Variants in LIN28B observed in about 807,000 individuals in gnomAD.
LIN28B encodes the protein protein lin-28 homolog B.
A neutral mutation model predicts 21.9 loss-of-function variants in LIN28B; 5 were observed. The observed-to-expected ratio is 0.23, with a 90% CI of 0.12 to 0.48. The LOEUF is 0.48. Among genes scored for constraint, LIN28B ranks in the 20% least tolerant of loss-of-function variants. LIN28B has a pLI of 0.98. For missense variants in LIN28B, 245 were observed against 310.5 expected (o/e 0.79, Z 1.58); for synonymous variants, 109 against 111.3 (o/e 0.98, Z 0.13).
At chr6:105,051,622 T>A (rs1048557906) in intron 3 of LIN28B, among the ~76,000 whole-genome samples, 3 of 152,014 alleles carry the variant, frequency 2.0e-5, no homozygotes, top group Non-Finnish European at 2.9e-5. Context: ...AGAACAAGGA[T>A]CTGGTCTGCC....
intron 3 of LIN28B, among the ~76,000 whole-genome samples, chr6:105,072,715 AATTGTT>A (rs1415752024): frequency 6.6e-6 from 1 of 152,196 alleles, no homozygotes; most frequent in East Asian, 1.9e-4. Flanking sequence ...ACTTTACTAA[AATTGTT>A]ATTGTTTAAC....
chr6:104,946,426 C>T (rs1439508573), intron 2 of LIN28B, among the ~76,000 whole-genome samples: 1 of 151,992 alleles, frequency 6.6e-6, no homozygotes, highest in African/African-American at 2.4e-5. Context: ...AGTCTGTTGA[C>T]TAATTGCAAA....
chr6:105,057,942 C>A (rs1294624764), intron 3 of LIN28B: 1 of 240,092 alleles, frequency 4.2e-6, no homozygotes, highest in Non-Finnish European at 8.2e-6. Context: ...CTGAGCAATT[C>A]AATATCTGAA....
chr6:105,057,380 C>CATCCTA (rs1412045945), intron 3 of LIN28B, among the ~76,000 whole-genome samples: 26 of 152,200 alleles, frequency 1.7e-4, no homozygotes, highest in Non-Finnish European at 3.4e-4. Flanking sequence ...CATCTGCCAT[C>CATCCTA]TGACAGCATA....
At chr6:105,059,144 C>T (rs1213706721) in intron 3 of LIN28B, among the ~76,000 whole-genome samples, 3 of 152,210 alleles carry the variant, frequency 2.0e-5, no homozygotes, top group East Asian at 3.9e-4. Flanking sequence ...TTTAATACCT[C>T]ATCTTGTTTG....
intron 3 of LIN28B, among the ~76,000 whole-genome samples, chr6:105,029,150 A>C (rs1030300764): frequency 1.3e-5 from 2 of 152,212 alleles, no homozygotes; most frequent in Non-Finnish European, 2.9e-5. Context: ...GGTTGTGTTC[A>C]ATACAGAGAA....
upstream of LIN28B, chr6:104,957,005 C>A: frequency 1.7e-6 from 2 of 1,190,630 alleles, no homozygotes; most frequent in African/African-American, 1.6e-5. Context: ...CTCTTGCCAG[C>A]CCCTTAAGGA....
rs181093638 is a variant in LIN28B at position 105,078,935 on chromosome 6, G to A, written c.*152G>A. Reference sequence around the variant, plus strand: ...TTTTTAAACAGACAAATCACTCTAAGCAAATTACATTTGAGCAGGGTGTCA... The same window carrying A: ...TTTTTAAACAGACAAATCACTCTAAACAAATTACATTTGAGCAGGGTGTCA... On this transcript the variant is annotated 3_prime_UTR_variant, in exon 4 of 4. Coordinates refer to ENST00000345080, the MANE Select transcript of LIN28B (RefSeq NM_001004317.4). The A allele has an allele frequency of 1.5e-4, 121 of 796,876 alleles. No individual in the cohort carries two copies. The African/African-American group carries it at 2.0e-3, about 13-fold the overall frequency. The allele number at this position is 796,876 out of a possible 1,614,324, so 49.4% of individuals were successfully genotyped here. A position where few individuals can be genotyped will look rare whatever the true frequency, so the allele number is the denominator to read the frequency against.
chr6:105,046,286 G>T (rs967588503), intron 3 of LIN28B, among the ~76,000 whole-genome samples: 1 of 152,050 alleles, frequency 6.6e-6, no homozygotes, highest in African/African-American at 2.4e-5. Context: ...TTGTCCTTGC[G>T]ATAGTTTGCT....
At chr6:104,950,452 T>A in intron 2 of LIN28B, 1 of 1,224,750 alleles carries the variant, frequency 8.2e-7, no homozygotes, top group Non-Finnish European at 1.0e-6. Context: ...TTGAGCTCTC[T>A]GATTTTAGGT....
rs368653682 is a variant in LIN28B, at chr6:104,991,697, C to T, written c.198+33411C>T. 5.1e-4 allele frequency among the ~76,000 whole-genome samples: 78 copies of T among 152,264 alleles called. No homozygotes were observed. The East Asian group carries it at 9.9e-3, about 19-fold the overall frequency. On this transcript the variant is annotated intron_variant, in intron 2 of 3. Coordinates refer to ENST00000345080, the MANE Select transcript of LIN28B (RefSeq NM_001004317.4). Reference sequence around the variant, plus strand: ...TGGAGGTTGTAGCGAGCCGAGATCACGCCACTGCACTCCAGCCTGGGCAAC... The same window carrying T: ...TGGAGGTTGTAGCGAGCCGAGATCATGCCACTGCACTCCAGCCTGGGCAAC...
At chr6:104,945,280 G>C (rs1778143888) in intron 2 of LIN28B, among the ~76,000 whole-genome samples, 1 of 152,000 alleles carries the variant, frequency 6.6e-6, no homozygotes, top group African/African-American at 2.4e-5. Flanking sequence ...AAGTCACCCA[G>C]TGTTGTAAGG....
In LIN28B at chr6:105,064,461, A is replaced by G. The variant is rs1434270858; in HGVS notation, c.384-13953A>G. ...TCAGTTATCAGTCATGGAAAGAGCTATAAAATAACCCTCTTAGAATCAGAA... is the reference window on the plus strand; with the variant it reads ...TCAGTTATCAGTCATGGAAAGAGCTGTAAAATAACCCTCTTAGAATCAGAA... On this transcript the variant is annotated intron_variant, in intron 3 of 3. Coordinates refer to ENST00000345080, the MANE Select transcript of LIN28B (RefSeq NM_001004317.4). 3.9e-5 allele frequency among the ~76,000 whole-genome samples: 6 copies of G among 152,180 alleles called. No homozygotes were observed. The East Asian group carries it at 1.2e-3, about 29-fold the overall frequency.
chr6:105,022,391 C>T (rs918912103), intron 2 of LIN28B, among the ~76,000 whole-genome samples: 1 of 152,098 alleles, frequency 6.6e-6, no homozygotes, highest in African/African-American at 2.4e-5. Context: ...TTCAAAAATT[C>T]AGGGGAAATT....
chr6:105,080,190 G>C lies in LIN28B; in HGVS notation c.*1407G>C, dbSNP rs1333110664. 6.6e-6 allele frequency: 1 copy of C among 152,470 alleles called. No individual in the cohort carries two copies. Among genetic ancestry groups the C allele is most frequent in the African/African-American group, 2.4e-5 (1 of 41,408 alleles). The allele number at this position is 152,470 out of a possible 1,614,324, so 9.4% of individuals were successfully genotyped here. On this transcript the variant is annotated 3_prime_UTR_variant, in exon 4 of 4. Coordinates refer to ENST00000345080, the MANE Select transcript of LIN28B (RefSeq NM_001004317.4). ...AGGGGCCATAGTATTGGTCCTGTTA[G>C]GTTTCGGTCATGGAAAAAAAAATTA... is the stretch of plus-strand genomic sequence containing the variant.
chr6:104,992,890 A>G (rs1278179885), intron 2 of LIN28B, among the ~76,000 whole-genome samples: 1 of 152,068 alleles, frequency 6.6e-6, no homozygotes, highest in Non-Finnish European at 1.5e-5. Flanking sequence ...TAGTGGTGAC[A>G]CTGGAGGTTA....
At chr6:105,046,014 T>A (rs946056191) in intron 3 of LIN28B, among the ~76,000 whole-genome samples, 26 of 152,194 alleles carry the variant, frequency 1.7e-4, no homozygotes, top group Non-Finnish European at 5.9e-5. Context: ...TTTTACAATT[T>A]TTTAATTTTT....
chr6:104,939,381 T>C (rs527426876), intron 2 of LIN28B: 1 of 152,324 alleles, frequency 6.6e-6, no homozygotes, highest in South Asian at 2.1e-4. Context: ...ACTAGCTCAA[T>C]GGAAAGTTGA....
At chr6:105,058,232 G>T in intron 3 of LIN28B, 1 of 194,004 alleles carries the variant, frequency 5.2e-6, no homozygotes, top group Non-Finnish European at 1.1e-5. Flanking sequence ...TATAGCATCT[G>T]GCTTGTGATA....
Sources: allele counts gnomAD v4.1 joint callset (sites outside exome capture counted in the v4.1 genomes callset), GRCh38; gene constraint gnomAD v4.1.1; transcripts MANE v1.5; gene names NCBI Gene and HGNC (gene_info 2026-07-23, HGNC 2026-07-21).